Variants in CNTN6 observed in about 807,000 individuals in gnomAD.
The protein encoded by CNTN6 is contactin 6, also known as contactin-6.
A neutral mutation model predicts 122.8 loss-of-function variants in CNTN6; 137 were observed. That is an observed-to-expected ratio of 1.12 (90% confidence interval 0.97 to 1.29). CNTN6 has a LOEUF of 1.29. CNTN6 is among the 50% of genes most tolerant of loss of function. The pLI is 0.00. For missense variants in CNTN6, 1,634 were observed against 1,223.4 expected (o/e 1.34, Z -5.01); for synonymous variants, 570 against 426.0 (o/e 1.34, Z -4.16).
chr3:1,308,943 C>T (rs989742062), intron 7 of CNTN6, among the ~76,000 whole-genome samples: 19 of 152,046 alleles, frequency 1.2e-4, no homozygotes, highest in Non-Finnish European at 2.1e-4. Flanking sequence ...TTTAGTAAGA[C>T]GTCTGCTTAT....
At chr3:1,127,169 G>A (rs896815164) in intron 1 of CNTN6, among the ~76,000 whole-genome samples, 3 of 151,672 alleles carry the variant, frequency 2.0e-5, no homozygotes, top group African/African-American at 7.3e-5. Flanking sequence ...GAAAATGCCT[G>A]TTTTTCCCTA....
chr3:1,352,351 C>G lies in CNTN6; in HGVS notation c.1392C>G (p.Leu464=), dbSNP rs76487809. 2,065 of 1,549,394 alleles carry G rather than the reference C, an allele frequency of 1.3e-3. 31 individuals are homozygous for G. In the African/African-American group the frequency reaches 0.026, roughly 19 times the overall value. Reference sequence around the variant, plus strand: ...TATTTCTCTTGGAGGATGGCAGCCTCAAGATATATAATATTACCAGGTCAG... The same window carrying G: ...TATTTCTCTTGGAGGATGGCAGCCTGAAGATATATAATATTACCAGGTCAG... ...KRIFLLEDGS[L]KIYNITRSDA... Residue 464 remains leucine (L), a synonymous_variant, in exon 12 of 23, where the codon CTC becomes CTG. Coordinates refer to ENST00000446702, the MANE Select transcript of CNTN6 (RefSeq NM_001289080.2).
At chr3:1,186,405 C>T (rs1027827598) in intron 2 of CNTN6, among the ~76,000 whole-genome samples, 7 of 151,932 alleles carry the variant, frequency 4.6e-5, no homozygotes, top group African/African-American at 1.7e-4. Context: ...AGAAAATGAC[C>T]TGTTTCCCTT....
chr3:1,219,417 A>G (rs2094174939), intron 2 of CNTN6, among the ~76,000 whole-genome samples: 1 of 152,066 alleles, frequency 6.6e-6, no homozygotes, highest in Non-Finnish European at 1.5e-5. Flanking sequence ...GGGCAAGACA[A>G]TGGGATCAGT....
At chr3:1,098,522 T>C (rs1015074865) in intron 1 of CNTN6, among the ~76,000 whole-genome samples, 1 of 151,398 alleles carries the variant, frequency 6.6e-6, no homozygotes, top group African/African-American at 2.4e-5. Flanking sequence ...CTTTCCATGA[T>C]TTCCTGTCTT....
chr3:1,342,681 C>A (rs916273364), intron 11 of CNTN6, among the ~76,000 whole-genome samples: 1 of 152,040 alleles, frequency 6.6e-6, no homozygotes, highest in African/African-American at 2.4e-5. Flanking sequence ...TGCGACAATT[C>A]TGTGAATCAG....
chr3:1,356,319 A>G (rs1399731570), intron 12 of CNTN6, among the ~76,000 whole-genome samples: 2 of 151,832 alleles, frequency 1.3e-5, no homozygotes, highest in Non-Finnish European at 2.9e-5. Context: ...TGTTATTTTC[A>G]ACTGAAATGT....
chr3:1,156,935 T>C (rs2092983867), intron 2 of CNTN6, among the ~76,000 whole-genome samples: 1 of 152,200 alleles, frequency 6.6e-6, no homozygotes, highest in Non-Finnish European at 1.5e-5. Flanking sequence ...CAGGCTGGTC[T>C]TGACTTCTTG....
chr3:1,363,891 C>G (rs532752622), intron 12 of CNTN6, among the ~76,000 whole-genome samples: 2 of 151,970 alleles, frequency 1.3e-5, no homozygotes, highest in South Asian at 4.1e-4. Context: ...TATGTAAGAG[C>G]TCCCTTTTTC....
chr3:1,252,596 T>C (rs1469906649), intron 4 of CNTN6, among the ~76,000 whole-genome samples: 1 of 152,206 alleles, frequency 6.6e-6, no homozygotes, highest in Admixed American at 6.5e-5. Flanking sequence ...TTAGAGGATA[T>C]TTTAACAAAA....
At chr3:1,216,601 G>A (rs193224915) in intron 2 of CNTN6, among the ~76,000 whole-genome samples, 1 of 152,128 alleles carries the variant, frequency 6.6e-6, no homozygotes, top group Non-Finnish European at 1.5e-5. Context: ...ATATGACATA[G>A]CATCCTCCTT....
intron 4 of CNTN6, among the ~76,000 whole-genome samples, chr3:1,236,869 AG>A (rs1300322362): frequency 6.6e-5 from 10 of 152,098 alleles, no homozygotes; most frequent in Admixed American, 2.6e-4. Flanking sequence ...TCACAAGGTC[AG>A]GAGATCAAGA....
At chr3:1,146,208 C>T (rs925198449) in intron 1 of CNTN6, among the ~76,000 whole-genome samples, 12 of 152,086 alleles carry the variant, frequency 7.9e-5, no homozygotes, top group African/African-American at 2.9e-4. Flanking sequence ...GAAAGTACAG[C>T]ATTCATATGC....
At chr3:1,196,945 G>C (rs773005462) in intron 2 of CNTN6, among the ~76,000 whole-genome samples, 1 of 152,218 alleles carries the variant, frequency 6.6e-6, no homozygotes, top group South Asian at 2.1e-4. Context: ...ATAGCTGTGG[G>C]AGAAGAAACC....
intron 5 of CNTN6, among the ~76,000 whole-genome samples, chr3:1,286,176 G>A (rs961213479): frequency 6.6e-6 from 1 of 152,186 alleles, no homozygotes; most frequent in Non-Finnish European, 1.5e-5. Flanking sequence ...AGATGTTGGG[G>A]AGATAGGAAG....
intron 1 of CNTN6, among the ~76,000 whole-genome samples, chr3:1,109,137 C>T (rs986571819): frequency 2.6e-5 from 4 of 151,892 alleles, no homozygotes; most frequent in Non-Finnish European, 4.4e-5. Context: ...GGGGAAACAG[C>T]GTTTGCATTT....
At chr3:1,274,410 T>C (rs543990461) in intron 4 of CNTN6, among the ~76,000 whole-genome samples, 3 of 152,326 alleles carry the variant, frequency 2.0e-5, no homozygotes, top group African/African-American at 4.8e-5. Context: ...AGCTAATGAC[T>C]GCTGATTGAG....
chr3:1,189,285 G>T (rs923861909), intron 2 of CNTN6, among the ~76,000 whole-genome samples: 1 of 152,156 alleles, frequency 6.6e-6, no homozygotes. Flanking sequence ...GGGGGAAAGG[G>T]TTATAAGAGG....
At chr3:1,349,023 A>G (rs2126064478) in intron 11 of CNTN6, among the ~76,000 whole-genome samples, 1 of 152,142 alleles carries the variant, frequency 6.6e-6, no homozygotes, top group Admixed American at 6.6e-5. Context: ...AACACCTAAC[A>G]TACCGTTTCA....
Sources: gnomAD v4.1 joint callset for allele counts (sites outside exome capture counted in the v4.1 genomes callset) on GRCh38, gnomAD v4.1.1 for gene constraint, MANE v1.5 for transcripts, NCBI Gene and HGNC (gene_info 2026-07-23, HGNC 2026-07-21) for gene names.